Variants in FRYL observed in about 807,000 individuals in gnomAD.
FRYL encodes FRY like transcription coactivator.
In FRYL, 150 loss-of-function variants were observed where a neutral mutation model predicts 351.2. The observed-to-expected ratio is 0.43, with a 90% CI of 0.37 to 0.49. The LOEUF is 0.49. Among genes scored for constraint, FRYL ranks in the 20% least tolerant of loss-of-function variants. The pLI, the probability that FRYL is intolerant of heterozygous loss-of-function variation, is 0.00. For synonymous variants in FRYL, 1,153 were observed against 1,257.1 expected (o/e 0.92, Z 1.75); for missense variants, 3,036 against 3,619.3 (o/e 0.84, Z 4.13).
chr4:48,666,740 C>T (rs756427647), intron 3 of FRYL, among the ~76,000 whole-genome samples: 8 of 152,048 alleles, frequency 5.3e-5, no homozygotes, highest in Admixed American at 2.6e-4. Flanking sequence ...TTACAATGAA[C>T]GTTTCATAGT....
At chr4:48,555,240 T>C (rs1365593187) in intron 35 of FRYL, among the ~76,000 whole-genome samples, 1 of 152,182 alleles carries the variant, frequency 6.6e-6, no homozygotes, top group African/African-American at 2.4e-5. Flanking sequence ...AACTCCCCCA[T>C]TCGTTCATCC....
At chr4:48,733,258 G>C (rs1770938399) in intron 1 of FRYL, among the ~76,000 whole-genome samples, 1 of 150,872 alleles carries the variant, frequency 6.6e-6, no homozygotes, top group South Asian at 2.1e-4. Context: ...CTGTGTGACA[G>C]AGCGAGACTC....
At position 48,575,141 on chromosome 4, in the gene FRYL, C is replaced by T; in HGVS notation, c.2822G>A (p.Gly941Asp). Reference protein sequence around the residue: ...EITESLVLGLGRTNPGAFREL... With the variant: ...EITESLVLGLDRTNPGAFREL... ...CCTAAAAGCTCCTGGGTTGGTCCTGCCAAGACCTAGAACAAGGGATTCTGT... is the reference window on the plus strand; with the variant it reads ...CCTAAAAGCTCCTGGGTTGGTCCTGTCAAGACCTAGAACAAGGGATTCTGT... The change falls in exon 25 of 64, where the codon GGC becomes GAC. Residue 941 changes from glycine (G) to aspartate (D), a missense_variant. Coordinates refer to ENST00000358350, the MANE Select transcript of FRYL (RefSeq NM_015030.2). 1 of 1,613,830 alleles carries T rather than the reference C, an allele frequency of 6.2e-7. No individual in the cohort carries two copies. Among genetic ancestry groups the T allele is most frequent in the Non-Finnish European group, 8.5e-7 (1 of 1,179,780 alleles).
intron 3 of FRYL, among the ~76,000 whole-genome samples, chr4:48,652,389 G>C (rs1757904522): frequency 6.6e-6 from 1 of 152,200 alleles, no homozygotes; most frequent in Non-Finnish European, 1.5e-5. Flanking sequence ...CTACAGTCCA[G>C]TTTACTTGAG....
At chr4:48,540,116 A>G (rs1388501925) in intron 46 of FRYL, 48 bp from the exon 47 acceptor site, 1 of 1,420,892 alleles carries the variant, frequency 7.0e-7, no homozygotes, top group Non-Finnish European at 9.7e-7. Flanking sequence ...ATTGCACATT[A>G]TTTTAAAAGT....
At chr4:48,666,383 G>GTAAGTAAA in intron 3 of FRYL, among the ~76,000 whole-genome samples, 1 of 150,130 alleles carries the variant, frequency 6.7e-6, no homozygotes, top group South Asian at 2.1e-4. Flanking sequence ...TAAATAAAAA[G>GTAAGTAAA]TAAATAAATA....
chr4:48,759,335 G>C (rs1420118267), intron 1 of FRYL, among the ~76,000 whole-genome samples: 1 of 152,148 alleles, frequency 6.6e-6, no homozygotes, highest in Non-Finnish European at 1.5e-5. Flanking sequence ...AGCAGACAAG[G>C]GTTAAGGTTA....
At chr4:48,606,097 GAAAAAAAAAAAAAAA>G (rs59467789) in intron 10 of FRYL, among the ~76,000 whole-genome samples, 11 of 57,544 alleles carry the variant, frequency 1.9e-4, no homozygotes, top group Admixed American at 1.5e-3. Flanking sequence ...CTCTACTAAA[GAAAAAAAAAAAAAAA>G]AAAAAAAAAA....
intron 3 of FRYL, among the ~76,000 whole-genome samples, chr4:48,643,222 C>T (rs1755679019): frequency 6.6e-6 from 1 of 152,114 alleles, no homozygotes. Context: ...GATGTGTAGC[C>T]CTTTTCTCTG....
chr4:48,712,498 C>G (rs1286066892), intron 1 of FRYL, among the ~76,000 whole-genome samples: 4 of 151,802 alleles, frequency 2.6e-5, no homozygotes, highest in Non-Finnish European at 5.9e-5. Context: ...AGAAATGAAG[C>G]GAGAAGGGAA....
chr4:48,632,075 A>AT (rs1753111906), intron 4 of FRYL, among the ~76,000 whole-genome samples: 1 of 32,772 alleles, frequency 3.1e-5, no homozygotes, highest in Non-Finnish European at 6.6e-5. Context: ...AAAAAAAAAA[A>AT]AAAAAAAAAA....
chr4:48,579,437 TTTGGAGAGGGATTCCACTGTTTTCA>T, intron 22 of FRYL, among the ~76,000 whole-genome samples, 196 bp from the exon 23 acceptor site: 1 of 152,316 alleles, frequency 6.6e-6, no homozygotes, highest in South Asian at 2.1e-4. Context: ...ATGTCTTTTT[TTTGGAGAGGGATTCCACTGTTTTCA>T]TTATTCTCAA....
chr4:48,744,326 T>C (rs1020649845), intron 1 of FRYL, among the ~76,000 whole-genome samples: 5 of 152,040 alleles, frequency 3.3e-5, no homozygotes, highest in Non-Finnish European at 7.4e-5. Flanking sequence ...AAAGCTATTA[T>C]ATATTGTTGA....
chr4:48,776,014 G>C lies in FRYL; in HGVS notation c.-384+4064C>G, dbSNP rs949930898. Among the ~76,000 whole-genome samples, 3 of 142,576 alleles carry C rather than the reference G, an allele frequency of 2.1e-5. No homozygotes were observed. In the Admixed American group the frequency reaches 2.2e-4, roughly 10 times the overall value. The allele number at this position is 142,576 out of a possible 152,430, so 93.5% of individuals were successfully genotyped here. ...CTAACTAAAATTTGCAAGCATGAGA[G>C]ACAGTTTAAGACAGTCCTATACAGA... On this transcript the variant is annotated intron_variant, in intron 1 of 63. Transcript: ENST00000358350.
chr4:48,535,667 T>C lies in FRYL; in HGVS notation c.6554A>G (p.Tyr2185Cys). ...TTTTGGTAAATTTACCTCTGCAAGATAAGTCACAAGATTAAATGTTGTATC... is the reference window on the plus strand; with the variant it reads ...TTTTGGTAAATTTACCTCTGCAAGACAAGTCACAAGATTAAATGTTGTATC... ...FSDTTFNLVTYLAELLEKGLS... is the reference protein window; with the variant it reads ...FSDTTFNLVTCLAELLEKGLS... Residue 2185 changes from tyrosine (Y) to cysteine (C), a missense_variant, in exon 48 of 64, where the codon TAT becomes TGT. Tyr to Cys is a radical substitution (Grantham distance 194, BLOSUM62 -2). This residue lies in a region of FRYL where 1,987 missense variants were observed against 2,311.7 expected (regional missense o/e 0.86). Transcript: ENST00000358350. 2.5e-6 allele frequency: 4 copies of C among 1,581,932 alleles called. No homozygotes were observed. The highest frequency in any genetic ancestry group is 3.4e-6 in the Non-Finnish European group (4 of 1,164,582).
chr4:48,724,330 T>C (rs7436127), intron 1 of FRYL, among the ~76,000 whole-genome samples: 148,245 of 152,092 alleles, frequency 0.97, 72,359 homozygotes, highest in East Asian at 1. Flanking sequence ...TCTATTTCCA[T>C]GTTGGGCCTG....
At position 48,535,666 on chromosome 4, in the gene FRYL, A is replaced by G. The variant is rs201620554; in HGVS notation, c.6555T>C (p.Tyr2185=). 522 of 1,581,720 alleles carry G rather than the reference A, an allele frequency of 3.3e-4. No individual in the cohort carries two copies. Among genetic ancestry groups the G allele is most frequent in the Admixed American group, 1.1e-3 (58 of 54,628 alleles). Residue 2185 remains tyrosine (Y), a synonymous_variant, in exon 48 of 64, where the codon TAT becomes TAC. Transcript: ENST00000358350. ...FSDTTFNLVT[Y]LAELLEKGLS... ...TTTTTGGTAAATTTACCTCTGCAAG[A>G]TAAGTCACAAGATTAAATGTTGTAT...
intron 6 of FRYL, 99 bp downstream of exon 6, chr4:48,620,540 G>T: frequency 8.2e-7 from 1 of 1,216,246 alleles, no homozygotes; most frequent in Non-Finnish European, 1.2e-6. Context: ...AACGCAGTTT[G>T]CTTAGGAATC....
At chr4:48,619,670 A>T (rs1750260728) in intron 6 of FRYL, among the ~76,000 whole-genome samples, 1 of 151,830 alleles carries the variant, frequency 6.6e-6, no homozygotes, top group Admixed American at 6.6e-5. Context: ...ATGCCCAGCT[A>T]ATTTTATTTT....
Sources: gnomAD v4.1 joint callset for allele counts (sites outside exome capture counted in the v4.1 genomes callset) on GRCh38, gnomAD v4.1.1 for gene constraint, gnomAD v4.1.1 regional missense constraint, MANE v1.5 for transcripts, NCBI Gene and HGNC (gene_info 2026-07-23, HGNC 2026-07-21) for gene names.